Variants in SHISA9 observed in about 807,000 individuals in gnomAD.
SHISA9 encodes the protein protein shisa-9.
In SHISA9, 13 loss-of-function variants were observed where a neutral mutation model predicts 38.0. The observed-to-expected ratio is 0.34, with a 90% CI of 0.22 to 0.54. The LOEUF (loss-of-function observed/expected upper bound fraction) is 0.54. Among genes scored for constraint, SHISA9 ranks in the 20% least tolerant of loss-of-function variants. The pLI, the probability that SHISA9 is intolerant of heterozygous loss-of-function variation, is 0.91. For missense variants in SHISA9, 538 were observed against 575.8 expected (o/e 0.93, Z 0.67); for synonymous variants, 275 against 242.0 (o/e 1.14, Z -1.27).
the SHISA9 span, among the ~76,000 whole-genome samples, chr16:13,461,456 G>A: frequency 2.0e-5 from 3 of 151,914 alleles, no homozygotes; most frequent in African/African-American, 4.8e-5. Flanking sequence ...GCACAAGCCT[G>A]TAAACCCAGC....
intron 2 of SHISA9, among the ~76,000 whole-genome samples, chr16:13,101,506 A>G (rs2073878557): frequency 6.6e-6 from 1 of 152,272 alleles, no homozygotes; most frequent in African/African-American, 2.4e-5. Context: ...CAGGTAACCA[A>G]ACTGAAGGCG....
chr16:13,518,480 C>T, the SHISA9 span, among the ~76,000 whole-genome samples: 1 of 152,158 alleles, frequency 6.6e-6, no homozygotes, highest in African/African-American at 2.4e-5. Context: ...TCTTTTTCCT[C>T]AATCTATCTT....
chr16:13,367,747 C>T, the SHISA9 span, among the ~76,000 whole-genome samples: 4 of 148,800 alleles, frequency 2.7e-5, no homozygotes. Flanking sequence ...CACACACACA[C>T]ACCCCTGAAT....
At chr16:12,993,015 T>A (rs1340606681) in intron 2 of SHISA9, among the ~76,000 whole-genome samples, 1 of 152,212 alleles carries the variant, frequency 6.6e-6, no homozygotes, top group Admixed American at 6.5e-5. Flanking sequence ...TGGCACACAC[T>A]GCTTTGGGAC....
chr16:13,079,074 C>T (rs904879386), intron 2 of SHISA9, among the ~76,000 whole-genome samples: 3 of 152,160 alleles, frequency 2.0e-5, no homozygotes, highest in East Asian at 1.9e-4. Flanking sequence ...CTCTTTAAAA[C>T]GTGGCTAATA....
chr16:13,262,413 C>T, the SHISA9 span, among the ~76,000 whole-genome samples: 1 of 152,280 alleles, frequency 6.6e-6, no homozygotes, highest in South Asian at 2.1e-4. Flanking sequence ...TCCTCAATTG[C>T]ACTAGTAGCC....
intron 4 of SHISA9, among the ~76,000 whole-genome samples, chr16:13,222,792 G>GTA (rs745719678): frequency 0.038 from 2,430 of 63,390 alleles, 33 homozygotes; most frequent in African/African-American, 0.13. Context: ...GTGTGTGTAT[G>GTA]TATATATATA....
At chr16:13,352,728 G>T in the SHISA9 span, among the ~76,000 whole-genome samples, 2 of 140,912 alleles carry the variant, frequency 1.4e-5, no homozygotes, top group Non-Finnish European at 3.0e-5. Flanking sequence ...CGTTTTATAG[G>T]ATTTGGGTAG....
At chr16:13,480,097 C>G in the SHISA9 span, among the ~76,000 whole-genome samples, 1 of 152,286 alleles carries the variant, frequency 6.6e-6, no homozygotes, top group South Asian at 2.1e-4. Context: ...CTAGGCCTAC[C>G]TCTTCTCACT....
chr16:13,222,779 GGTGT>G (rs55972837), intron 4 of SHISA9, among the ~76,000 whole-genome samples: 17,382 of 148,248 alleles, frequency 0.12, 1,191 homozygotes, highest in East Asian at 0.29. Flanking sequence ...CACTCCACAA[GGTGT>G]GTGTGTATGT....
intron 2 of SHISA9, among the ~76,000 whole-genome samples, chr16:12,987,029 C>T (rs907639082): frequency 3.9e-5 from 6 of 152,194 alleles, no homozygotes; most frequent in Non-Finnish European, 8.8e-5. Flanking sequence ...GGGACTGTTT[C>T]CTGGTCATCT....
chr16:13,387,038 C>A, the SHISA9 span, among the ~76,000 whole-genome samples: 1 of 152,112 alleles, frequency 6.6e-6, no homozygotes, highest in Non-Finnish European at 1.5e-5. Context: ...TCTGTGCCTT[C>A]CCCTCCAGCA....
chr16:13,548,520 T>G, the SHISA9 span, among the ~76,000 whole-genome samples: 1 of 152,048 alleles, frequency 6.6e-6, no homozygotes, highest in African/African-American at 2.4e-5. Flanking sequence ...GCAAAGTAAG[T>G]AAGTATTCTA....
intron 2 of SHISA9, among the ~76,000 whole-genome samples, chr16:13,080,961 A>G (rs1337331093): frequency 1.3e-5 from 2 of 152,024 alleles, no homozygotes; most frequent in Non-Finnish European, 2.9e-5. Context: ...GAGAGAGGTA[A>G]TCTCTCTCAT....
At chr16:13,402,890 G>A in the SHISA9 span, among the ~76,000 whole-genome samples, 2 of 152,150 alleles carry the variant, frequency 1.3e-5, no homozygotes, top group Admixed American at 6.5e-5. Flanking sequence ...AGGCCAAGGC[G>A]GGCAGGTCAC....
chr16:13,381,019 A>G, the SHISA9 span, among the ~76,000 whole-genome samples: 340 of 152,206 alleles, frequency 2.2e-3, 6 homozygotes, highest in East Asian at 5.4e-3. Flanking sequence ...TTATGGCTGC[A>G]TAGTATTCCA....
At chr16:13,177,790 C>T (rs2050744372) in intron 2 of SHISA9, among the ~76,000 whole-genome samples, 1 of 152,182 alleles carries the variant, frequency 6.6e-6, no homozygotes, top group African/African-American at 2.4e-5. Context: ...CTGCCTCAGC[C>T]TCCCGAGTAG....
rs559667871 is a variant in SHISA9, at chr16:13,139,607, T to A, written c.692-63787T>A. Among the ~76,000 whole-genome samples the A allele has an allele frequency of 6.1e-4, 92 of 152,016 alleles. No individual in the cohort carries two copies. In the South Asian group the frequency reaches 0.014, roughly 23 times the overall value. ...ATAAACAGAGTTGCCCTAGTTGAAGTGTGCATGGCATGGTCTGTAGCACGA... is the reference window on the plus strand; with the variant it reads ...ATAAACAGAGTTGCCCTAGTTGAAGAGTGCATGGCATGGTCTGTAGCACGA... On this transcript the variant is annotated intron_variant, in intron 2 of 4. Transcript: ENST00000558583.
At chr16:13,186,531 C>T (rs1042681943) in intron 2 of SHISA9, among the ~76,000 whole-genome samples, 19 of 151,696 alleles carry the variant, frequency 1.3e-4, no homozygotes, top group Admixed American at 1.1e-3. Flanking sequence ...CTCCTGACCT[C>T]GTGATACACC....
Sources: allele counts gnomAD v4.1 joint callset (sites outside exome capture counted in the v4.1 genomes callset), GRCh38; gene constraint gnomAD v4.1.1; transcripts MANE v1.5; gene names NCBI Gene and HGNC (gene_info 2026-07-23, HGNC 2026-07-21).